The following RMDN1 variants were observed in gnomAD, a reference collection of about 807,000 sequenced individuals.
RMDN1 encodes regulator of microtubule dynamics 1.
Under a neutral mutation model 48.9 loss-of-function variants are expected in RMDN1, and 48 were observed. The ratio of observed to expected loss-of-function variants is 0.98; its 90% CI spans 0.78 to 1.25. The LOEUF (loss-of-function observed/expected upper bound fraction) is 1.25, where lower values mean the gene tolerates loss of function less well. Among genes scored for constraint, RMDN1 ranks in the 50% most tolerant of loss-of-function variants. RMDN1 has a pLI of 0.00. For synonymous variants in RMDN1, 148 were observed against 132.6 expected (o/e 1.12, Z -0.80); for missense variants, 418 against 373.4 (o/e 1.12, Z -0.98).
chr8:86,508,887 G>C, upstream of RMDN1: 1 of 935,052 alleles, frequency 1.1e-6, no homozygotes, highest in Non-Finnish European at 1.4e-6. Flanking sequence ...CTCTTCAGGC[G>C]CTCTGACTTG....
In RMDN1 at chr8:86,505,398, G is replaced by A. The variant is rs1217336336; in HGVS notation, c.247+1597C>T. On this transcript the variant is annotated intron_variant, in intron 2 of 9. Coordinates refer to ENST00000406452, the MANE Select transcript of RMDN1 (RefSeq NM_016033.3). ...TGCCGCACTAGGGGATATAGGAGAGGAAAAGTAAGGCGCAGTTCCCCCAAC... is the reference window on the plus strand; with the variant it reads ...TGCCGCACTAGGGGATATAGGAGAGAAAAAGTAAGGCGCAGTTCCCCCAAC... The A allele has an allele frequency of 1.1e-5, 5 of 456,236 alleles. No homozygotes were observed. In the Admixed American group the frequency reaches 1.2e-4, roughly 11 times the overall value. 28.3% of individuals were successfully genotyped at this position (456,236 alleles called of 1,614,324 possible).
chr8:86,484,366 T>G (rs1177675865), intron 5 of RMDN1, among the ~76,000 whole-genome samples: 1 of 152,172 alleles, frequency 6.6e-6, no homozygotes, highest in Non-Finnish European at 1.5e-5. Flanking sequence ...TGACCCCAGC[T>G]ATACCAAGCA....
In RMDN1 at chr8:86,504,995, T is replaced by C. The variant is rs1487042916; in HGVS notation, c.247+2000A>G. On this transcript the variant is annotated intron_variant, in intron 2 of 9. Coordinates refer to ENST00000406452, the MANE Select transcript of RMDN1 (RefSeq NM_016033.3). ...TTAAAAGGCAGGCACATGGTGCAGATAGATCTGGGAAGGATGGCATCATGG... is the reference window on the plus strand; with the variant it reads ...TTAAAAGGCAGGCACATGGTGCAGACAGATCTGGGAAGGATGGCATCATGG... 2.0e-6 allele frequency: 3 copies of C among 1,466,868 alleles called. 1 individual carries two copies. The South Asian group carries it at 3.4e-5, about 17-fold the overall frequency. The allele number at this position is 1,466,868 out of a possible 1,614,324, so 90.9% of individuals were successfully genotyped here. A position where few individuals can be genotyped will look rare whatever the true frequency, so the allele number is the denominator to read the frequency against.
At chr8:86,482,788 G>C in intron 5 of RMDN1, 1 of 920,090 alleles carries the variant, frequency 1.1e-6, no homozygotes, top group Non-Finnish European at 1.8e-6. Context: ...ACAAGTAGTG[G>C]CATTATCAGA....
chr8:86,493,307 A>G (rs1186575633), intron 2 of RMDN1, among the ~76,000 whole-genome samples: 1 of 152,234 alleles, frequency 6.6e-6, no homozygotes, highest in East Asian at 1.9e-4. Context: ...ATGATCCAGC[A>G]ATCCCACTTT....
intron 5 of RMDN1, chr8:86,483,147 T>C: frequency 3.1e-6 from 1 of 323,190 alleles, no homozygotes; most frequent in Non-Finnish European, 5.6e-6. Context: ...TTTAGATATA[T>C]AATGGAATTT....
At chr8:86,504,107 A>G (rs1350796984) in intron 2 of RMDN1, 2 of 1,102,034 alleles carry the variant, frequency 1.8e-6, no homozygotes, top group Non-Finnish European at 2.8e-6. Flanking sequence ...CTGGAATTCA[A>G]ATTCATCCTT....
At chr8:86,497,509 TGACC>T (rs1317236018) in intron 2 of RMDN1, among the ~76,000 whole-genome samples, 2 of 151,564 alleles carry the variant, frequency 1.3e-5, no homozygotes, top group Admixed American at 6.6e-5. Flanking sequence ...GAGACCAGCC[TGACC>T]AACATGGTGA....
chr8:86,498,473 C>T (rs541881100), intron 2 of RMDN1, among the ~76,000 whole-genome samples: 3 of 152,116 alleles, frequency 2.0e-5, no homozygotes, highest in South Asian at 4.2e-4. Context: ...AACTTCAGGT[C>T]ATTAACTCAG....
chr8:86,470,258 A>G (rs1586552101), downstream of RMDN1: 4 of 1,289,414 alleles, frequency 3.1e-6, no homozygotes, highest in South Asian at 4.9e-5. Context: ...ATCTCAATCC[A>G]GCAGTCAGCT....
intron 2 of RMDN1, chr8:86,504,553 T>C: frequency 2.2e-6 from 3 of 1,336,306 alleles, no homozygotes; most frequent in Non-Finnish European, 3.2e-6. Context: ...AGTTTCCCTA[T>C]TTCTGCTGCA....
At chr8:86,469,190 C>G (rs989985074), downstream of RMDN1, among the ~76,000 whole-genome samples, 2 of 151,382 alleles carry the variant, frequency 1.3e-5, no homozygotes, top group African/African-American at 4.9e-5. Flanking sequence ...GTCCCGCCCC[C>G]CCCATGTACT....
At chr8:86,480,620 T>G (rs1179244713) in intron 5 of RMDN1, among the ~76,000 whole-genome samples, 1 of 152,116 alleles carries the variant, frequency 6.6e-6, no homozygotes, top group African/African-American at 2.4e-5. Context: ...TTTTGCAAAT[T>G]AATCTTGCAA....
At position 86,497,964 on chromosome 8, in the gene RMDN1, C is replaced by T. The variant is rs189773689; in HGVS notation, c.247+9031G>A. Among the ~76,000 whole-genome samples the T allele has an allele frequency of 4.7e-3, 707 of 151,928 alleles. 4 individuals are homozygous for T. Among genetic ancestry groups the T allele is most frequent in the African/African-American group, 0.016 (668 of 41,438 alleles). ...ATAAAAAATTAGCGAGGTGTGGTGG[C>T]GCATGCCTGTGATCCCAGCTACTCG... On this transcript the variant is annotated intron_variant, in intron 2 of 9. Transcript: ENST00000406452.
At chr8:86,488,257 A>G (rs1815828938) in intron 3 of RMDN1, among the ~76,000 whole-genome samples, 2 of 152,222 alleles carry the variant, frequency 1.3e-5, no homozygotes. Flanking sequence ...ATATAGCTAG[A>G]AGGGATAAAC....
At chr8:86,469,119 G>A (rs548022249), downstream of RMDN1, among the ~76,000 whole-genome samples, 1 of 151,116 alleles carries the variant, frequency 6.6e-6, no homozygotes, top group South Asian at 2.1e-4. Flanking sequence ...CTATCTGTTA[G>A]ATCAGTTTAG....
chr8:86,486,349 AGATAT>A, intron 4 of RMDN1, 130 bp downstream of exon 4: 4 of 488,278 alleles, frequency 8.2e-6, no homozygotes, highest in Non-Finnish European at 1.3e-5. Context: ...ATTATCCTTA[AGATAT>A]AAGATTGAAT....
intron 5 of RMDN1, among the ~76,000 whole-genome samples, chr8:86,483,181 CTTT>C: frequency 6.6e-6 from 1 of 152,198 alleles, no homozygotes; most frequent in Middle Eastern, 3.4e-3. Context: ...TATAAATGAT[CTTT>C]TTTATATGTA....
intron 2 of RMDN1, 83 bp from the exon 3 acceptor site, chr8:86,488,722 C>A (rs1045203926): frequency 2.4e-6 from 2 of 820,868 alleles, no homozygotes; most frequent in Non-Finnish European, 3.7e-6. Flanking sequence ...AACTTAAACA[C>A]TTTTATATAT....
Sources: gnomAD v4.1 joint callset for allele counts (sites outside exome capture counted in the v4.1 genomes callset) on GRCh38, gnomAD v4.1.1 for gene constraint, MANE v1.5 for transcripts, NCBI Gene and HGNC (gene_info 2026-07-23, HGNC 2026-07-21) for gene names.